The following TMEM163 variants were observed in gnomAD, a reference collection of about 807,000 sequenced individuals.
The protein encoded by TMEM163 is transmembrane protein 163.
A neutral mutation model predicts 29.3 loss-of-function variants in TMEM163; 17 were observed. That is an observed-to-expected ratio of 0.58 (90% confidence interval 0.40 to 0.87). The LOEUF (loss-of-function observed/expected upper bound fraction) is 0.87. Among genes scored for constraint, TMEM163 ranks in the 40% least tolerant of loss-of-function variants. The probability of loss-of-function intolerance (pLI) is 0.00; values close to 1 mark genes in which losing one functional copy is unlikely to be tolerated. For missense variants in TMEM163, 303 were observed against 381.5 expected, an observed-to-expected ratio of 0.79 and a Z score of 1.71; for synonymous variants, 157 against 160.6, an observed-to-expected ratio of 0.98 and a Z score of 0.17.
chr2:134,613,731 A>G (rs1682552639), intron 2 of TMEM163, among the ~76,000 whole-genome samples: 2 of 152,192 alleles, frequency 1.3e-5, no homozygotes, highest in Admixed American at 1.3e-4. Flanking sequence ...TAAAGAGGCA[A>G]TACCATTTAT....
chr2:134,499,994 T>G (rs1679664359), intron 5 of TMEM163, among the ~76,000 whole-genome samples: 1 of 152,218 alleles, frequency 6.6e-6, no homozygotes, highest in Non-Finnish European at 1.5e-5. Flanking sequence ...AATGTTTAAT[T>G]AGTTGCCAGT....
intron 4 of TMEM163, among the ~76,000 whole-genome samples, chr2:134,522,217 G>C (rs1398654184): frequency 6.6e-6 from 1 of 152,156 alleles, no homozygotes; most frequent in Non-Finnish European, 1.5e-5. Context: ...GCCTTTGTCT[G>C]CCCAGGCACA....
intron 2 of TMEM163, among the ~76,000 whole-genome samples, chr2:134,681,391 G>A (rs942566077): frequency 1.1e-4 from 17 of 152,228 alleles, no homozygotes; most frequent in South Asian, 6.2e-4. Context: ...CACACAAACC[G>A]CATTCCAGTG....
chr2:134,458,249 T>G, intron 6 of TMEM163, 76 bp from the exon 7 acceptor site: 1 of 1,559,686 alleles, frequency 6.4e-7, no homozygotes, highest in East Asian at 2.3e-5. Context: ...CAGTCCTGCC[T>G]CCACGTAACT....
intron 2 of TMEM163, among the ~76,000 whole-genome samples, chr2:134,611,843 T>C (rs1043176037): frequency 6.6e-6 from 1 of 152,166 alleles, no homozygotes; most frequent in Non-Finnish European, 1.5e-5. Flanking sequence ...TGAGCCTCCA[T>C]GTTGGGGGAA....
intron 2 of TMEM163, among the ~76,000 whole-genome samples, chr2:134,679,019 A>T (rs1262091629): frequency 6.6e-6 from 1 of 152,210 alleles, no homozygotes; most frequent in Non-Finnish European, 1.5e-5. Context: ...GACAATCAAC[A>T]TATTTAACAA....
intron 4 of TMEM163, among the ~76,000 whole-genome samples, chr2:134,524,337 T>TA (rs1680247816): frequency 1.5e-5 from 2 of 134,304 alleles, no homozygotes; most frequent in Admixed American, 7.3e-5. Flanking sequence ...TGTTTTTTAA[T>TA]ATCGATAACA....
At chr2:134,595,107 T>C (rs1682040807) in intron 2 of TMEM163, among the ~76,000 whole-genome samples, 1 of 151,612 alleles carries the variant, frequency 6.6e-6, no homozygotes, top group African/African-American at 2.4e-5. Context: ...ATTTATTTTT[T>C]ATTTATATAT....
chr2:134,639,740 G>A (rs148479197), intron 2 of TMEM163, among the ~76,000 whole-genome samples: 204 of 152,198 alleles, frequency 1.3e-3, no homozygotes, highest in African/African-American at 4.7e-3. Flanking sequence ...CACTCTTTCC[G>A]AGGCCCAGCG....
At chr2:134,636,603 A>G (rs974313627) in intron 2 of TMEM163, among the ~76,000 whole-genome samples, 1 of 152,220 alleles carries the variant, frequency 6.6e-6, no homozygotes, top group South Asian at 2.1e-4. Flanking sequence ...AACAAAGACC[A>G]TAACAGCCCT....
chr2:134,697,283 G>A (rs376773087), intron 2 of TMEM163, among the ~76,000 whole-genome samples: 3 of 152,138 alleles, frequency 2.0e-5, no homozygotes, highest in East Asian at 1.9e-4. Flanking sequence ...AACAGCAGAC[G>A]TCCTTATCTT....
At chr2:134,466,297 T>A in intron 5 of TMEM163, 72 bp from the exon 6 acceptor site, 1 of 1,282,884 alleles carries the variant, frequency 7.8e-7, no homozygotes, top group South Asian at 1.3e-5. Flanking sequence ...CCACTTGCCT[T>A]ACAGATCAGC....
intron 5 of TMEM163, among the ~76,000 whole-genome samples, chr2:134,477,686 T>C (rs1481322557): frequency 6.6e-6 from 1 of 152,172 alleles, no homozygotes; most frequent in African/African-American, 2.4e-5. Flanking sequence ...AAAGTAAGAT[T>C]TTTTTCAAAG....
chr2:134,606,017 A>G (rs1266079849), intron 2 of TMEM163, among the ~76,000 whole-genome samples: 1 of 152,134 alleles, frequency 6.6e-6, no homozygotes, highest in African/African-American at 2.4e-5. Context: ...CTTTTAAACA[A>G]TTGAGTATAC....
intron 2 of TMEM163, among the ~76,000 whole-genome samples, chr2:134,684,201 AC>A (rs1370999299): frequency 3.3e-5 from 5 of 152,096 alleles, no homozygotes; most frequent in African/African-American, 1.2e-4. Context: ...GATGATATAT[AC>A]CACTCCCCTG....
At chr2:134,546,563 G>A (rs1046094542) in intron 4 of TMEM163, among the ~76,000 whole-genome samples, 3 of 151,358 alleles carry the variant, frequency 2.0e-5, no homozygotes, top group African/African-American at 7.3e-5. Flanking sequence ...AGAATGGCAT[G>A]AACCCGGGAG....
chr2:134,465,616 T>C (rs13427269), intron 6 of TMEM163, among the ~76,000 whole-genome samples: 166 of 152,324 alleles, frequency 1.1e-3, no homozygotes, highest in African/African-American at 3.9e-3. Flanking sequence ...CAGACTTTTC[T>C]AGCTGGTTGA....
At chr2:134,615,749 T>A (rs1682597107) in intron 2 of TMEM163, among the ~76,000 whole-genome samples, 1 of 148,058 alleles carries the variant, frequency 6.8e-6, no homozygotes, top group South Asian at 2.2e-4. Context: ...CTCCACTTCC[T>A]GTGTTCAAGT....
intron 2 of TMEM163, among the ~76,000 whole-genome samples, chr2:134,627,895 C>A (rs527282818): frequency 7.9e-4 from 121 of 152,236 alleles, no homozygotes; most frequent in African/African-American, 2.8e-3. Flanking sequence ...TGAAATGATG[C>A]TCTTCAATTT....
Sources: allele counts gnomAD v4.1 joint callset (sites outside exome capture counted in the v4.1 genomes callset), GRCh38; gene constraint gnomAD v4.1.1; transcripts MANE v1.5; gene names NCBI Gene and HGNC (gene_info 2026-07-23, HGNC 2026-07-21).